Variants in BCAN observed in about 807,000 individuals in gnomAD.
BCAN encodes the protein brevican core protein.
A neutral mutation model predicts 92.4 loss-of-function variants in BCAN; 51 were observed. The observed-to-expected ratio is 0.55, with a 90% CI of 0.44 to 0.70. BCAN has a LOEUF of 0.70. Ranked by LOEUF, BCAN falls within the 30% of genes least tolerant of loss-of-function variation. The probability of loss-of-function intolerance (pLI) is 0.00; values close to 1 mark genes in which losing one functional copy is unlikely to be tolerated. For missense variants in BCAN, 1,140 were observed against 1,212.1 expected (o/e 0.94, Z 0.88); for synonymous variants, 501 against 505.2 (o/e 0.99, Z 0.11).
Position 156,658,550 on chromosome 1 carries a change from T to C in BCAN, c.2445T>C (p.Cys815=), listed in dbSNP as rs776820244. ...SYTCKMGLVS[C]GPPPELPLAQ... ...AACTGTCTTCCTTTGCAGTGTCCTGTGGGCCGCCACCGGAGCTGCCCCTGG... is the reference window on the plus strand; with the variant it reads ...AACTGTCTTCCTTTGCAGTGTCCTGCGGGCCGCCACCGGAGCTGCCCCTGG... The change falls in exon 13 of 14, where the codon TGT becomes TGC. Residue 815 remains cysteine, a synonymous_variant. Transcript: ENST00000329117. The surrounding 1 kb of genome is among the most constrained non-coding windows in gnomAD (Gnocchi z 4.4). 3 of 1,613,558 alleles carry C rather than the reference T, an allele frequency of 1.9e-6. No homozygotes were observed. In the South Asian group the frequency reaches 3.3e-5, roughly 18 times the overall value.
chr1:156,648,199 T>A, intron 5 of BCAN, 89 bp downstream of exon 5: 1 of 1,527,846 alleles, frequency 6.5e-7, no homozygotes, highest in Non-Finnish European at 9.0e-7. Flanking sequence ...GACCTTACTA[T>A]CCCTCCTGAG....
chr1:156,656,501 T>A, intron 9 of BCAN, 112 bp downstream of exon 9: 1 of 825,916 alleles, frequency 1.2e-6, no homozygotes. Flanking sequence ...AATGAGTCCC[T>A]GTTTTAGGCA....
chr1:156,652,880 G>C lies in BCAN; in HGVS notation c.1930G>C (p.Val644Leu). The C allele has an allele frequency of 6.2e-7, 1 of 1,613,662 alleles. No individual in the cohort carries two copies. Among genetic ancestry groups the C allele is most frequent in the Non-Finnish European group, 8.5e-7 (1 of 1,180,004 alleles). The change falls in exon 8 of 14, where the codon GTC becomes CTC. Residue 644 changes from valine (V) to leucine (L), a missense_variant. By Grantham distance (32) the Val-to-Leu change is conservative. Around this residue, in one of 3 missense-constraint regions of BCAN, gnomAD observed 825 missense variants for 871.8 expected, o/e 0.95. Coordinates refer to ENST00000329117, the MANE Select transcript of BCAN (RefSeq NM_021948.5). ...DSASRGGVAV[V>L]PASGDCVPSP... Reference sequence around the variant, plus strand: ...CGCCAGCCGAGGTGGAGTGGCCGTGGTCCCCGCATCAGGTAATTCTGCCCA... The same window carrying C: ...CGCCAGCCGAGGTGGAGTGGCCGTGCTCCCCGCATCAGGTAATTCTGCCCA...
intron 2 of BCAN, 61 bp downstream of exon 2, chr1:156,646,206 A>C: frequency 6.6e-7 from 1 of 1,518,866 alleles, no homozygotes; most frequent in Admixed American, 1.8e-5. Context: ...AACTGCTTCC[A>C]GGCTTAGGGG....
chr1:156,643,295 G>C (rs1345751828), intron 1 of BCAN: 3 of 152,192 alleles, frequency 2.0e-5, no homozygotes, highest in Non-Finnish European at 2.9e-5. Flanking sequence ...TGCTCGGCTG[G>C]TGTCATTGCT....
chr1:156,659,262 A>G lies in BCAN; in HGVS notation c.*128A>G. 4.2e-6 allele frequency: 3 copies of G among 711,196 alleles called. No individual in the cohort carries two copies. The South Asian group carries it at 6.2e-5, about 15-fold the overall frequency. The allele number at this position is 711,196 out of a possible 1,614,324, so 44.1% of individuals were successfully genotyped here. A position where few individuals can be genotyped will look rare whatever the true frequency, so the allele number is the denominator to read the frequency against. On this transcript the variant is annotated 3_prime_UTR_variant, in exon 14 of 14. Transcript: ENST00000329117. ...GGGGTGGTACTGGAGTCCAGGTGAC[A>G]GTTCCTGAAGGGGCTTCTGGGAAAT...
intron 6 of BCAN, among the ~76,000 whole-genome samples, chr1:156,650,255 C>A (rs1679117425): frequency 6.6e-6 from 1 of 151,848 alleles, no homozygotes; most frequent in South Asian, 2.1e-4. Flanking sequence ...TGAGGAGGGG[C>A]AGGGGAGGGG....
At position 156,652,390 on chromosome 1, in the gene BCAN, G is replaced by A; in HGVS notation, c.1440G>A (p.Trp480Ter). Residue 480 changes from tryptophan (W) to a stop codon, truncating the protein, a stop_gained, in exon 8 of 14, where the codon TGG (tryptophan) becomes TGA (stop). Transcript: ENST00000329117. LOFTEE classifies it high-confidence loss of function. ...EEEEVEDEAL[W>*]AWPSELSSPG... Reference sequence around the variant, plus strand: ...AGGAGGTGGAGGATGAGGCTCTGTGGGCATGGCCCAGCGAGCTCAGCAGCC... The same window carrying A: ...AGGAGGTGGAGGATGAGGCTCTGTGAGCATGGCCCAGCGAGCTCAGCAGCC... The A allele has an allele frequency of 1.2e-6, 2 of 1,610,672 alleles. No homozygotes were observed. The highest frequency in any genetic ancestry group is 1.7e-6 in the Non-Finnish European group (2 of 1,178,236).
At chr1:156,646,188 C>T in intron 2 of BCAN, 43 bp downstream of exon 2, 1 of 1,568,806 alleles carries the variant, frequency 6.4e-7, no homozygotes. Flanking sequence ...TCTTGTTCAG[C>T]CCTAACCAAC....
chr1:156,651,516 A>G lies in BCAN; in HGVS notation c.1124A>G (p.Asp375Gly). ...AACCCAGCCTCCAACCCAGCCTCTG[A>G]TGGACTAGAGGCTATCGTCACAGTG... ...ASNPASNPAS[D>G]GLEAIVTVTE... is the part of the protein sequence containing the mutation. The change falls in exon 7 of 14, where the codon GAT becomes GGT. Residue 375 changes from aspartate to glycine, a missense_variant. Physicochemically the swap from Asp to Gly is moderately conservative, Grantham distance 94. Transcript: ENST00000329117. The G allele has an allele frequency of 6.2e-7, 1 of 1,614,030 alleles. No individual in the cohort carries two copies. The highest frequency in any genetic ancestry group is 1.1e-5 in the South Asian group (1 of 91,080).
intron 10 of BCAN, chr1:156,657,378 T>C: frequency 3.6e-6 from 2 of 559,620 alleles, no homozygotes; most frequent in Non-Finnish European, 6.2e-6. Flanking sequence ...CCAACCTCCC[T>C]GCTCTCCGAC....
At chr1:156,650,674 G>A (rs992646619) in intron 6 of BCAN, among the ~76,000 whole-genome samples, 35 of 152,120 alleles carry the variant, frequency 2.3e-4, no homozygotes, top group African/African-American at 6.8e-4. Flanking sequence ...TTGGAGGCTC[G>A]GTGCAGTGGC....
chr1:156,657,604 G>C, intron 10 of BCAN, 71 bp from the exon 11 acceptor site: 1 of 1,358,858 alleles, frequency 7.4e-7, no homozygotes. Context: ...AGTCACCGCA[G>C]ACCGCCCGGG....
rs1166238758 is a variant in BCAN at position 156,647,949 on chromosome 1, A to G, written c.642-34A>G. Reference sequence around the variant, plus strand: ...TATGGGCTGGCTCCCTGGTGAAAGCATCTGTACTAAGTGATTCTGTCCTTC... The same window carrying G: ...TATGGGCTGGCTCCCTGGTGAAAGCGTCTGTACTAAGTGATTCTGTCCTTC... On this transcript the variant is annotated intron_variant, in intron 4 of 13. Transcript: ENST00000329117. The surrounding 1 kb of genome is among the most constrained non-coding windows in gnomAD (Gnocchi z 4.8). 7 of 1,609,982 alleles carry G rather than the reference A, an allele frequency of 4.3e-6. No homozygotes were observed. The highest frequency in any genetic ancestry group is 1.3e-5 in the African/African-American group (1 of 74,828).
rs780124787 is a variant in BCAN at position 156,647,607 on chromosome 1, C to T, written c.566C>T (p.Pro189Leu). 1.1e-5 allele frequency: 18 copies of T among 1,613,080 alleles called. No homozygotes were observed. The highest frequency in any genetic ancestry group is 1.7e-5 in the Admixed American group (1 of 59,850). Residue 189 changes from proline (P) to leucine (L), a missense_variant, in exon 4 of 14, where the codon CCG (proline) becomes CTG (leucine). Pro to Leu is a moderately conservative substitution (Grantham distance 98). Transcript: ENST00000329117. The surrounding 1 kb of genome is among the most constrained non-coding windows in gnomAD (Gnocchi z 4.8). The stretch of plus-strand genomic sequence containing the variant: ...CGCATTGGAGCCCACATCGCCACCC[C>T]GGAGCAGCTCTATGCCGCCTACCTT... ...CARIGAHIAT[P>L]EQLYAAYLGG... is the part of the protein sequence containing the mutation.
In BCAN at chr1:156,656,334, G is replaced by A. The variant is rs777545109; in HGVS notation, c.1995G>A (p.Glu665=). ...CHNGGTCLEE[E]EGVRCLCLPG... is the part of the protein sequence containing the mutation. The stretch of plus-strand genomic sequence containing the variant: ...ATGGTGGGACATGCTTGGAGGAGGA[G>A]GAAGGGGTCCGCTGCCTATGTCTGC... The change falls in exon 9 of 14, where the codon GAG becomes GAA. Residue 665 remains glutamate (E), a synonymous_variant. Coordinates refer to ENST00000329117, the MANE Select transcript of BCAN (RefSeq NM_021948.5). 3.5e-6 allele frequency: 5 copies of A among 1,432,072 alleles called. No individual in the cohort carries two copies. The highest frequency in any genetic ancestry group is 1.8e-5 in the South Asian group (1 of 54,310). The allele number at this position is 1,432,072 out of a possible 1,614,324, so 88.7% of individuals were successfully genotyped here.
chr1:156,646,228 G>A (rs1322295970), intron 2 of BCAN, 83 bp downstream of exon 2: 2 of 1,286,652 alleles, frequency 1.6e-6, no homozygotes, highest in Non-Finnish European at 2.2e-6. Flanking sequence ...CCCAGGAAGA[G>A]AGAGAATTGG....
chr1:156,643,635 C>CACACAGAGAGAGAGAG (rs549293956), intron 1 of BCAN: 1 of 103,782 alleles, frequency 9.6e-6, no homozygotes, highest in African/African-American at 3.5e-5. Context: ...CACACACACA[C>CACACAGAGAGAGAGAG]AGAGAGAGAG....
Position 156,651,640 on chromosome 1 carries a change from T to C in BCAN, c.1248T>C (p.Gly416=). 1.2e-6 allele frequency: 2 copies of C among 1,613,230 alleles called. No individual in the cohort carries two copies. The highest frequency in any genetic ancestry group is 1.7e-6 in the Non-Finnish European group (2 of 1,179,888). ...TCCCCATCATGGAGGACGGAGGAGG[T>C]GGAAGCTCCACTCCAGAAGACCCAG... ...YSIPIMEDGG[G]GSSTPEDPAE... is the part of the protein sequence containing the mutation. The change falls in exon 7 of 14, where the codon GGT becomes GGC. Residue 416 remains glycine, a synonymous_variant. Transcript: ENST00000329117.
Sources: allele counts gnomAD v4.1 joint callset (sites outside exome capture counted in the v4.1 genomes callset), GRCh38; gene constraint gnomAD v4.1.1; regional missense constraint gnomAD v4.1.1; non-coding constraint Gnocchi (gnomAD v3.1); transcripts MANE v1.5; gene names NCBI Gene and HGNC (gene_info 2026-07-23, HGNC 2026-07-21).